The following DLGAP2 variants were observed in gnomAD, a reference collection of about 807,000 sequenced individuals.
DLGAP2 encodes disks large-associated protein 2.
In DLGAP2, 26 loss-of-function variants were observed where a neutral mutation model predicts 100.3. That is an observed-to-expected ratio of 0.26 (90% CI 0.19 to 0.36). DLGAP2 has a LOEUF of 0.36. Ranked by LOEUF, DLGAP2 falls within the 10% of genes least tolerant of loss-of-function variation. The probability of loss-of-function intolerance (pLI) is 1.00; values close to 1 mark genes in which losing one functional copy is unlikely to be tolerated. For synonymous variants in DLGAP2, 886 were observed against 630.1 expected, an observed-to-expected ratio of 1.41 and a Z score of -6.08; for missense variants, 1,858 against 1,453.2, an observed-to-expected ratio of 1.28 and a Z score of -4.53.
intron 2 of DLGAP2, among the ~76,000 whole-genome samples, chr8:1,221,299 T>C (rs1389174985): frequency 6.6e-6 from 1 of 152,258 alleles, no homozygotes; most frequent in Non-Finnish European, 1.5e-5. Flanking sequence ...CTGGTGCTAA[T>C]GAATTATCTT....
At chr8:1,209,788 C>T (rs1205051025) in intron 2 of DLGAP2, among the ~76,000 whole-genome samples, 1 of 152,130 alleles carries the variant, frequency 6.6e-6, no homozygotes, top group Non-Finnish European at 1.5e-5. Flanking sequence ...CTGTGATGGT[C>T]TGACTTGTCT....
At chr8:1,134,083 C>G (rs530640072) in intron 2 of DLGAP2, among the ~76,000 whole-genome samples, 1 of 151,472 alleles carries the variant, frequency 6.6e-6, no homozygotes, top group African/African-American at 2.4e-5. Flanking sequence ...ACTTATAAGA[C>G]AGAACATGTG....
At chr8:1,379,359 C>T (rs922959272) in intron 3 of DLGAP2, among the ~76,000 whole-genome samples, 22 of 152,254 alleles carry the variant, frequency 1.4e-4, no homozygotes, top group Admixed American at 4.6e-4. Context: ...CTGGCACAGC[C>T]GCCCCACACG....
At chr8:821,312 A>G (rs1294789136) in intron 1 of DLGAP2, among the ~76,000 whole-genome samples, 2 of 152,222 alleles carry the variant, frequency 1.3e-5, no homozygotes, top group Non-Finnish European at 2.9e-5. Flanking sequence ...TTAAGGCTAT[A>G]TAAAGTGTAT....
chr8:1,265,185 G>A (rs1357354810), intron 3 of DLGAP2, among the ~76,000 whole-genome samples: 1 of 152,122 alleles, frequency 6.6e-6, no homozygotes, highest in Non-Finnish European at 1.5e-5. Context: ...CCTAGATATT[G>A]GATACGTTTA....
chr8:1,441,855 G>A (rs771328483), intron 3 of DLGAP2, among the ~76,000 whole-genome samples: 12 of 150,946 alleles, frequency 7.9e-5, no homozygotes, highest in Non-Finnish European at 1.2e-4. Flanking sequence ...GGTTTGTTAC[G>A]TAGGTAAACA....
At chr8:760,679 C>G (rs1351266095) in intron 1 of DLGAP2, among the ~76,000 whole-genome samples, 1 of 152,158 alleles carries the variant, frequency 6.6e-6, no homozygotes, top group African/African-American at 2.4e-5. Context: ...TCTCTTTATC[C>G]TTGTGTTCTA....
intron 3 of DLGAP2, among the ~76,000 whole-genome samples, chr8:1,349,801 A>G (rs1433614902): frequency 6.6e-6 from 1 of 152,260 alleles, no homozygotes; most frequent in Non-Finnish European, 1.5e-5. Context: ...GAGAAGTGCA[A>G]ACTCATCAGA....
chr8:1,626,081 G>T (rs919935537), intron 6 of DLGAP2, among the ~76,000 whole-genome samples: 1 of 137,044 alleles, frequency 7.3e-6, no homozygotes, highest in South Asian at 2.3e-4. Context: ...GGCCTGTGGC[G>T]GGTGCTCAGC....
At chr8:1,327,864 T>C (rs1801058083) in intron 3 of DLGAP2, among the ~76,000 whole-genome samples, 1 of 152,048 alleles carries the variant, frequency 6.6e-6, no homozygotes, top group African/African-American at 2.4e-5. Flanking sequence ...ATAAATAAAA[T>C]GACGTGCTTG....
At chr8:794,523 C>T (rs1795985470) in intron 1 of DLGAP2, among the ~76,000 whole-genome samples, 1 of 152,198 alleles carries the variant, frequency 6.6e-6, no homozygotes, top group Non-Finnish European at 1.5e-5. Context: ...ATAGGTTGGG[C>T]TAGTTAACTG....
At chr8:1,103,788 C>T (rs545100876) in intron 2 of DLGAP2, among the ~76,000 whole-genome samples, 5 of 150,666 alleles carry the variant, frequency 3.3e-5, no homozygotes, top group Non-Finnish European at 5.9e-5. Context: ...TGATGACTGG[C>T]GGGGCCTTGG....
At chr8:1,666,254 C>T (rs865983259) in intron 8 of DLGAP2, among the ~76,000 whole-genome samples, 15 of 152,146 alleles carry the variant, frequency 9.9e-5, no homozygotes, top group African/African-American at 2.9e-4. Context: ...GAAAAAAAGA[C>T]AGGATTTTGA....
In DLGAP2 at chr8:1,173,712, C is replaced by G. The variant is rs372389428; in HGVS notation, c.74-85139C>G. Among the ~76,000 whole-genome samples, 129 of 152,282 alleles carry G rather than the reference C, an allele frequency of 8.5e-4. 1 individual carries two copies. The highest frequency in any genetic ancestry group is 2.8e-3 in the African/African-American group (117 of 41,570). ...GTGCAGGATATAATCTCCTGGTGCG[C>G]CATTTTTTAAGCCCATCGGAAAAAG... On this transcript the variant is annotated intron_variant, in intron 2 of 14. Transcript: ENST00000637795.
chr8:1,282,419 C>A (rs1799836570), intron 3 of DLGAP2, among the ~76,000 whole-genome samples: 13 of 119,916 alleles, frequency 1.1e-4, no homozygotes, highest in East Asian at 3.0e-4. Flanking sequence ...ACCCAGCGCC[C>A]TGAACCATCC....
At chr8:1,030,296 C>G (rs923037466) in intron 2 of DLGAP2, among the ~76,000 whole-genome samples, 1 of 152,108 alleles carries the variant, frequency 6.6e-6, no homozygotes, top group Admixed American at 6.5e-5. Flanking sequence ...ACTCTTGGGT[C>G]CCATTGTGTT....
chr8:1,687,023 A>C (rs544063454), intron 12 of DLGAP2, among the ~76,000 whole-genome samples: 11 of 152,292 alleles, frequency 7.2e-5, no homozygotes, highest in African/African-American at 2.4e-4. Flanking sequence ...AAAAACACAC[A>C]GAAACGTGCT....
intron 12 of DLGAP2, among the ~76,000 whole-genome samples, chr8:1,689,180 G>A (rs573685367): frequency 6.6e-6 from 1 of 152,200 alleles, no homozygotes; most frequent in Non-Finnish European, 1.5e-5. Context: ...AGGCTGTCTA[G>A]GCTTCCACAG....
intron 2 of DLGAP2, among the ~76,000 whole-genome samples, chr8:1,136,014 A>AAT: frequency 6.6e-6 from 1 of 152,322 alleles, no homozygotes; most frequent in Non-Finnish European, 1.5e-5. Flanking sequence ...AACTTTATTC[A>AAT]AGTCAAGAAG....
Sources: gnomAD v4.1 joint callset for allele counts (sites outside exome capture counted in the v4.1 genomes callset) on GRCh38, gnomAD v4.1.1 for gene constraint, MANE v1.5 for transcripts, NCBI Gene and HGNC (gene_info 2026-07-23, HGNC 2026-07-21) for gene names.